EZR: variants seen among roughly 807,000 people sequenced by gnomAD.
The protein encoded by EZR is ezrin, also known as cytovillin 2.
Under a neutral mutation model 74.8 loss-of-function variants are expected in EZR, and 40 were observed. That is an observed-to-expected ratio of 0.53 (90% CI 0.42 to 0.70). The LOEUF (loss-of-function observed/expected upper bound fraction) is 0.70. Among genes scored for constraint, EZR ranks in the 30% least tolerant of loss-of-function variants. The pLI, the probability that EZR is intolerant of heterozygous loss-of-function variation, is 0.00. For synonymous variants in EZR, 341 were observed against 283.3 expected, an observed-to-expected ratio of 1.20 and a Z score of -2.05; for missense variants, 678 against 755.8, an observed-to-expected ratio of 0.90 and a Z score of 1.21.
intron 2 of EZR, among the ~76,000 whole-genome samples, chr6:158,794,267 G>A (rs146662440): frequency 3.9e-5 from 6 of 152,090 alleles, no homozygotes; most frequent in African/African-American, 7.2e-5. Flanking sequence ...GTGATACAGC[G>A]AAGACTCAAA....
intron 4 of EZR, 79 bp downstream of exon 4, chr6:158,787,029 G>T (rs945276057): frequency 1.8e-5 from 21 of 1,136,924 alleles, no homozygotes; most frequent in Non-Finnish European, 2.5e-5. Context: ...AAAAGACAGG[G>T]TGAGTTGCTC....
chr6:158,804,111 C>T (rs1259780036), intron 2 of EZR, among the ~76,000 whole-genome samples: 4 of 152,078 alleles, frequency 2.6e-5, no homozygotes, highest in African/African-American at 9.7e-5. Context: ...CTGCTGATGG[C>T]GTATGAAAAT....
Position 158,783,771 on chromosome 6 carries a change from G to C in EZR, c.552-105C>G, listed in dbSNP as rs989903575. On this transcript the variant is annotated intron_variant, in intron 6 of 13. Coordinates refer to ENST00000367075, the MANE Select transcript of EZR (RefSeq NM_001111077.2). ...AATTAAGGCGCCTTGTGTAGGATGGGCTCAATGCTGTGTGCTGCGTGCAGG... is the reference window on the plus strand; with the variant it reads ...AATTAAGGCGCCTTGTGTAGGATGGCCTCAATGCTGTGTGCTGCGTGCAGG... The C allele has an allele frequency of 5.4e-5, 67 of 1,240,908 alleles. No individual in the cohort carries two copies. The East Asian group carries it at 1.4e-3, about 25-fold the overall frequency. The allele number at this position is 1,240,908 out of a possible 1,614,324, so 76.9% of individuals were successfully genotyped here.
At chr6:158,802,045 G>A (rs749022468) in intron 2 of EZR, among the ~76,000 whole-genome samples, 2 of 152,228 alleles carry the variant, frequency 1.3e-5, no homozygotes, top group Non-Finnish European at 2.9e-5. Flanking sequence ...CCTGTAGGCA[G>A]TGTCTGTCTA....
At chr6:158,783,128 T>C (rs1791475973) in intron 7 of EZR, among the ~76,000 whole-genome samples, 1 of 152,150 alleles carries the variant, frequency 6.6e-6, no homozygotes, top group African/African-American at 2.4e-5. Flanking sequence ...TCAATATTCT[T>C]GGTTGGATTA....
At chr6:158,798,577 TCA>T (rs1201842475) in intron 2 of EZR, among the ~76,000 whole-genome samples, 5 of 150,968 alleles carry the variant, frequency 3.3e-5, no homozygotes, top group Non-Finnish European at 7.4e-5. Flanking sequence ...CAGCTCTGCT[TCA>T]GAGACCTCCC....
intron 5 of EZR, among the ~76,000 whole-genome samples, 172 bp downstream of exon 5, chr6:158,785,134 TCGC>T: frequency 6.6e-6 from 1 of 152,248 alleles, no homozygotes; most frequent in African/African-American, 2.4e-5. Context: ...GAATGGCAGC[TCGC>T]CTTCCCTGGC....
Position 158,785,510 on chromosome 6 carries a change from A to G in EZR, c.266T>C (p.Val89Ala). The change falls in exon 5 of 14, where the codon GTG becomes GCG. Residue 89 changes from valine (V) to alanine (A), a missense_variant. Around this residue, in one of 3 missense-constraint regions of EZR, gnomAD observed 217 missense variants for 232.2 expected, o/e 0.93. Transcript: ENST00000367075. ...KFRAKFYPEDVAEELIQDITQ... is the reference protein window; with the variant it reads ...KFRAKFYPEDAAEELIQDITQ... ...GATGTCCTGGATGAGCTCCTCAGCCACATCTTCAGGGTAGAACTTGGCCCG... is the reference window on the plus strand; with the variant it reads ...GATGTCCTGGATGAGCTCCTCAGCCGCATCTTCAGGGTAGAACTTGGCCCG... 6.2e-7 allele frequency: 1 copy of G among 1,614,216 alleles called. No individual in the cohort carries two copies. Among genetic ancestry groups the G allele is most frequent in the South Asian group, 1.1e-5 (1 of 91,086 alleles).
intron 2 of EZR, among the ~76,000 whole-genome samples, chr6:158,805,337 GAAAAAAAAAAAA>G (rs56269785): frequency 0.61 from 72,784 of 119,012 alleles, 20,278 homozygotes; most frequent in Non-Finnish European, 0.66. Flanking sequence ...TCCATCTCAG[GAAAAAAAAAAAA>G]AAAAAAAAAA....
chr6:158,809,241 TAC>T (rs1777404083), intron 2 of EZR, among the ~76,000 whole-genome samples: 1 of 152,124 alleles, frequency 6.6e-6, no homozygotes, highest in African/African-American at 2.4e-5. Flanking sequence ...GATGGAGCTG[TAC>T]TTTAGACAGG....
Position 158,787,333 on chromosome 6 carries a change from C to A in EZR, c.97-130G>T, listed in dbSNP as rs1791610387. 3 of 604,186 alleles carry A rather than the reference C, an allele frequency of 5.0e-6. No individual in the cohort carries two copies. In the East Asian group the frequency reaches 8.5e-5, roughly 17 times the overall value. 37.4% of individuals were successfully genotyped at this position (604,186 alleles called of 1,614,324 possible). A position where few individuals can be genotyped will look rare whatever the true frequency, so the allele number is the denominator to read the frequency against. ...CCAGGACATCTGCTCAGTCCAACCACTGGGCAACATCTTTTTTTGCACTCA... is the reference window on the plus strand; with the variant it reads ...CCAGGACATCTGCTCAGTCCAACCAATGGGCAACATCTTTTTTTGCACTCA... On this transcript the variant is annotated intron_variant, in intron 3 of 13. Transcript: ENST00000367075.
intron 2 of EZR, among the ~76,000 whole-genome samples, chr6:158,817,365 A>C (rs1777580437): frequency 6.6e-6 from 1 of 152,130 alleles, no homozygotes; most frequent in Non-Finnish European, 1.5e-5. Flanking sequence ...CAGCAATCTC[A>C]ACACAATCAG....
intron 2 of EZR, among the ~76,000 whole-genome samples, chr6:158,792,242 T>C (rs1435349927): frequency 6.7e-6 from 1 of 150,246 alleles, no homozygotes. Flanking sequence ...TGAGATGGAG[T>C]CTCCTCTGTC....
Position 158,785,345 on chromosome 6 carries a change from G to A in EZR, c.431C>T (p.Ser144Phe), listed in dbSNP as rs375375425. 1.2e-6 allele frequency: 2 copies of A among 1,614,230 alleles called. No individual in the cohort carries two copies. Among genetic ancestry groups the A allele is most frequent in the South Asian group, 2.2e-5 (2 of 91,082 alleles). ...CAGCCGCTCAGAGCTGAGGTACCCAGACTTGTGCACTTCTTTGTTGTAGTC... is the reference window on the plus strand; with the variant it reads ...CAGCCGCTCAGAGCTGAGGTACCCAAACTTGTGCACTTCTTTGTTGTAGTC... ...FGDYNKEVHK[S>F]GYLSSERLIP... Residue 144 changes from serine to phenylalanine, a missense_variant, in exon 5 of 14, where the codon TCT becomes TTT. Around this residue, in one of 3 missense-constraint regions of EZR, gnomAD observed 217 missense variants for 232.2 expected, o/e 0.93. Coordinates refer to ENST00000367075, the MANE Select transcript of EZR (RefSeq NM_001111077.2).
chr6:158,789,258 T>C (rs1177626565), intron 3 of EZR, 30 bp downstream of exon 3: 1 of 1,555,772 alleles, frequency 6.4e-7, no homozygotes, highest in East Asian at 2.3e-5. Context: ...TTTTTGTAGG[T>C]GGAGTTAACT....
intron 2 of EZR, among the ~76,000 whole-genome samples, chr6:158,791,540 A>AG: frequency 6.6e-6 from 1 of 152,144 alleles, no homozygotes; most frequent in East Asian, 1.9e-4. Flanking sequence ...ACTAAAGTGG[A>AG]GGGGCGTTTG....
intron 2 of EZR, 54 bp downstream of exon 2, chr6:158,818,028 C>T: frequency 1.3e-6 from 2 of 1,580,770 alleles, no homozygotes; most frequent in Non-Finnish European, 8.6e-7. Context: ...CAGGTGCCTC[C>T]CCTCTCCAAT....
intron 2 of EZR, among the ~76,000 whole-genome samples, chr6:158,809,432 A>C (rs1444391026): frequency 6.6e-6 from 1 of 152,240 alleles, no homozygotes; most frequent in Non-Finnish European, 1.5e-5. Context: ...CATATGCCAG[A>C]AATCTGTCAT....
At chr6:158,804,961 TG>T (rs1178548381) in intron 2 of EZR, among the ~76,000 whole-genome samples, 1 of 133,322 alleles carries the variant, frequency 7.5e-6, no homozygotes, top group Non-Finnish European at 1.6e-5. Flanking sequence ...CCCCTTCCTG[TG>T]TCCATGTGAT....
Sources: gnomAD v4.1 joint callset for allele counts (sites outside exome capture counted in the v4.1 genomes callset) on GRCh38, gnomAD v4.1.1 for gene constraint, gnomAD v4.1.1 regional missense constraint, MANE v1.5 for transcripts, NCBI Gene and HGNC (gene_info 2026-07-23, HGNC 2026-07-21) for gene names.